The following ATP7B variants were observed in gnomAD, a reference collection of about 807,000 sequenced individuals.
ATP7B encodes the protein ATPase copper transporting beta.
Under a neutral mutation model 118.9 loss-of-function variants are expected in ATP7B, and 113 were observed. That is an observed-to-expected ratio of 0.95 (90% confidence interval 0.82 to 1.11). The LOEUF is 1.11. Among genes scored for constraint, ATP7B ranks in the 50% most tolerant of loss-of-function variants. The pLI, the probability that ATP7B is intolerant of heterozygous loss-of-function variation, is 0.00. For missense variants in ATP7B, 1,867 were observed against 1,871.4 expected (o/e 1.00, Z 0.04); for synonymous variants, 777 against 727.4 (o/e 1.07, Z -1.10).
chr13:51,956,735 C>A (rs969941049), intron 9 of ATP7B, among the ~76,000 whole-genome samples: 8 of 152,142 alleles, frequency 5.3e-5, no homozygotes, highest in African/African-American at 1.9e-4. Flanking sequence ...GCTGAAATAA[C>A]CATTGCCTAG....
intron 9 of ATP7B, among the ~76,000 whole-genome samples, chr13:51,956,180 C>T (rs1333862905): frequency 3.3e-5 from 5 of 152,232 alleles, no homozygotes; most frequent in Admixed American, 1.3e-4. Context: ...AAACCAGTGC[C>T]ACCGCGCAGC....
At chr13:51,943,951 C>CT (rs1957494293) in intron 14 of ATP7B, among the ~76,000 whole-genome samples, 158 bp downstream of exon 14, 1 of 151,884 alleles carries the variant, frequency 6.6e-6, no homozygotes, top group African/African-American at 2.4e-5. Flanking sequence ...CAAGGGCTGA[C>CT]TGTGAGCCCT....
Position 51,970,538 on chromosome 13 carries a change from A to G in ATP7B, c.1497T>C (p.Cys499=). ...TTTCTATGTTAGACACACAGGATGCACAGGTCATGCCTTTGATCTGTAAGA... is the reference window on the plus strand; with the variant it reads ...TTTCTATGTTAGACACACAGGATGCGCAGGTCATGCCTTTGATCTGTAAGA... ...KCFLQIKGMT[C]ASCVSNIERN... The change falls in exon 3 of 21, where the codon TGT becomes TGC. Residue 499 remains cysteine, a synonymous_variant. Transcript: ENST00000242839. 1 of 1,614,172 alleles carries G rather than the reference A, an allele frequency of 6.2e-7. No homozygotes were observed. The highest frequency in any genetic ancestry group is 2.2e-5 in the East Asian group (1 of 44,872).
chr13:51,944,626 T>G (rs1384308861), intron 13 of ATP7B, among the ~76,000 whole-genome samples: 4 of 151,600 alleles, frequency 2.6e-5, no homozygotes, highest in African/African-American at 7.3e-5. Flanking sequence ...AGGTCAGGAG[T>G]CAGGACCCTG....
At chr13:51,953,374 T>C (rs118153641) in intron 9 of ATP7B, among the ~76,000 whole-genome samples, 113 of 152,310 alleles carry the variant, frequency 7.4e-4, no homozygotes, top group Non-Finnish European at 1.4e-3. Context: ...CAGCAGAACC[T>C]AATCACTAAG....
At chr13:51,958,857 C>T (rs1231428466) in intron 7 of ATP7B, 1 of 420,088 alleles carries the variant, frequency 2.4e-6, no homozygotes, top group East Asian at 5.1e-5. Flanking sequence ...CAGCACAAGG[C>T]ATTCCATTCC....
At chr13:52,012,093 G>T (rs1296975901), upstream of ATP7B, 6 of 515,106 alleles carry the variant, frequency 1.2e-5, no homozygotes, top group East Asian at 3.5e-5. Flanking sequence ...GGCCGGGAAC[G>T]GGGGCGCAGG....
intron 17 of ATP7B, among the ~76,000 whole-genome samples, chr13:51,938,506 CAATT>C (rs1757734822): frequency 6.6e-6 from 1 of 152,228 alleles, no homozygotes; most frequent in Non-Finnish European, 1.5e-5. Context: ...TCAAGGAACA[CAATT>C]AAGCTTTCAG....
At chr13:51,937,097 C>T (rs1957010270) in intron 19 of ATP7B, among the ~76,000 whole-genome samples, 179 bp downstream of exon 19, 1 of 151,688 alleles carries the variant, frequency 6.6e-6, no homozygotes, top group South Asian at 2.1e-4. Flanking sequence ...TTCAGGTCCT[C>T]TCCACAGTTT....
chr13:51,946,499 G>A lies in ATP7B; in HGVS notation c.2866-21C>T, dbSNP rs763362019. Reference sequence around the variant, plus strand: ...GGGTTCTGAAAACAGGACAGAGTCAGAGGCAGGTTGAGAGTTCAATAAGGA... The same window carrying A: ...GGGTTCTGAAAACAGGACAGAGTCAAAGGCAGGTTGAGAGTTCAATAAGGA... On this transcript the variant is annotated intron_variant, in intron 12 of 20. Transcript: ENST00000242839. 6.8e-5 allele frequency: 110 copies of A among 1,613,294 alleles called. No homozygotes were observed. Among genetic ancestry groups the A allele is most frequent in the Non-Finnish European group, 7.5e-5 (89 of 1,179,524 alleles).
In ATP7B at chr13:52,002,210, G is replaced by A. The variant is rs79181686; in HGVS notation, c.51+9077C>T. ...TTAAATGAATGACAAAGAATGCCAA[G>A]CAAAAACAACTTACAAATGTGCTTG... On this transcript the variant is annotated intron_variant, in intron 1 of 20. Transcript: ENST00000242839. 2.7e-3 allele frequency among the ~76,000 whole-genome samples: 409 copies of A among 152,006 alleles called. 5 individuals are homozygous for A. Among genetic ancestry groups the A allele is most frequent in the African/African-American group, 9.1e-3 (376 of 41,488 alleles).
intron 6 of ATP7B, among the ~76,000 whole-genome samples, chr13:51,961,042 C>T (rs1958703491): frequency 1.3e-5 from 2 of 152,082 alleles, no homozygotes; most frequent in Non-Finnish European, 2.9e-5. Flanking sequence ...TAAGCTCCTC[C>T]TGTGCCCCAG....
chr13:51,939,265 T>A (rs1039009815), intron 16 of ATP7B, 72 bp from the exon 17 acceptor site: 154 of 1,594,062 alleles, frequency 9.7e-5, no homozygotes, highest in Non-Finnish European at 1.3e-4. Flanking sequence ...ACACTTGCAA[T>A]GTTCTCATCA....
In ATP7B at chr13:51,964,933, T is replaced by C. The variant is rs1430333457; in HGVS notation, c.1808A>G (p.Lys603Arg). Residue 603 changes from lysine to arginine, a missense_variant, in exon 5 of 21, where the codon AAA becomes AGA. Lys to Arg is a conservative substitution (Grantham distance 26, BLOSUM62 2). Coordinates refer to ENST00000242839, the MANE Select transcript of ATP7B (RefSeq NM_000053.4). ...TYASVALATSKALVKFDPEII... is the reference protein window; with the variant it reads ...TYASVALATSRALVKFDPEII... Reference sequence around the variant, plus strand: ...TTCCGGGTCAAACTTAACAAGGGCTTTGCTGGTGGCAAGGGCAACGGAGGC... The same window carrying C: ...TTCCGGGTCAAACTTAACAAGGGCTCTGCTGGTGGCAAGGGCAACGGAGGC... 3.1e-6 allele frequency: 5 copies of C among 1,614,088 alleles called. No homozygotes were observed. The highest frequency in any genetic ancestry group is 4.2e-6 in the Non-Finnish European group (5 of 1,180,054).
chr13:51,954,558 C>T (rs1485702244), intron 9 of ATP7B, among the ~76,000 whole-genome samples: 1 of 152,208 alleles, frequency 6.6e-6, no homozygotes, highest in Non-Finnish European at 1.5e-5. Context: ...CAGCATGGTG[C>T]CAGTGGATGA....
chr13:51,949,705 ACAATCCATACCAC>A lies in ATP7B; in HGVS notation c.2809_2821del (p.Val937Ter). ...AACACCAAAATCGATAAAACCGATTACAATCCATACCACCAACGTCAAAGTTGACATGATGATG... is the reference window on the plus strand; with the variant it reads ...AACACCAAAATCGATAAAACCGATTACAACGTCAAAGTTGACATGATGATG... On this transcript the variant is annotated frameshift_variant, in exon 12 of 21. Coordinates refer to ENST00000242839, the MANE Select transcript of ATP7B (RefSeq NM_000053.4). LOFTEE classifies it high-confidence loss of function. 6.2e-7 allele frequency: 1 copy of A among 1,614,162 alleles called. No homozygotes were observed. Among genetic ancestry groups the A allele is most frequent in the Non-Finnish European group, 8.5e-7 (1 of 1,180,034 alleles).
chr13:51,986,674 C>T (rs899405046), intron 1 of ATP7B, among the ~76,000 whole-genome samples: 2 of 152,182 alleles, frequency 1.3e-5, no homozygotes, highest in South Asian at 4.1e-4. Context: ...CAATAAAATA[C>T]TGGCAAACCG....
At chr13:51,964,726 A>T (rs1419128503) in intron 5 of ATP7B, 146 bp downstream of exon 5, 31 of 991,004 alleles carry the variant, frequency 3.1e-5, no homozygotes, top group Non-Finnish European at 4.4e-5. Flanking sequence ...AGTTTATTTT[A>T]AAATGACTGA....
rs751397470 is a variant in ATP7B, at chr13:51,937,469, C to T, written c.3903+7G>A. 12 of 1,613,966 alleles carry T rather than the reference C, an allele frequency of 7.4e-6. No individual in the cohort carries two copies. The Admixed American group carries it at 8.3e-5, about 11-fold the overall frequency. On this transcript the variant is annotated splice_region_variant and intron_variant, in intron 18 of 20. Coordinates refer to ENST00000242839, the MANE Select transcript of ATP7B (RefSeq NM_000053.4). ...AGCACCCACAGCCTGGCTGCAGCCA[C>T]GCTCACTCTGATAAGGACGACGTCG... is the stretch of plus-strand genomic sequence containing the variant.
Sources: gnomAD v4.1 joint callset for allele counts (sites outside exome capture counted in the v4.1 genomes callset) on GRCh38, gnomAD v4.1.1 for gene constraint, MANE v1.5 for transcripts, NCBI Gene and HGNC (gene_info 2026-07-23, HGNC 2026-07-21) for gene names.